LRBA: variants seen among roughly 807,000 people sequenced by gnomAD.
The protein encoded by LRBA is lipopolysaccharide-responsive and beige-like anchor protein.
LRBA carries 176 observed loss-of-function variants against 330.0 expected under a neutral mutation model. The observed-to-expected ratio is 0.53, with a 90% CI of 0.47 to 0.60. The LOEUF (loss-of-function observed/expected upper bound fraction) is 0.60. Ranked by LOEUF, LRBA falls within the 20% of genes least tolerant of loss-of-function variation. The pLI is 0.00. For missense variants in LRBA, 3,259 were observed against 3,444.8 expected (o/e 0.95, Z 1.35); for synonymous variants, 1,230 against 1,193.0 (o/e 1.03, Z -0.64).
At chr4:150,837,647 G>A (rs1213200334) in intron 28 of LRBA, among the ~76,000 whole-genome samples, 7 of 152,102 alleles carry the variant, frequency 4.6e-5, no homozygotes, top group African/African-American at 7.2e-5. Context: ...TTGCTTGGTA[G>A]ATCTTCCTCC....
At position 150,838,924 on chromosome 4, in the gene LRBA, C is replaced by A. The variant is rs1748605936; in HGVS notation, c.4569+5176G>T. Among the ~76,000 whole-genome samples, 6 of 152,088 alleles carry A rather than the reference C, an allele frequency of 3.9e-5. No homozygotes were observed. In the South Asian group the frequency reaches 1.2e-3, roughly 32 times the overall value. On this transcript the variant is annotated intron_variant, in intron 28 of 56. Transcript: ENST00000651943. The stretch of plus-strand genomic sequence containing the variant: ...TTTAAACTGAAGAGCTTCTGTACAG[C>A]AAAAGAAACTATCATCAGAGTGAAC...
chr4:150,278,274 T>A (rs2126744387), intron 55 of LRBA, among the ~76,000 whole-genome samples: 1 of 152,326 alleles, frequency 6.6e-6, no homozygotes, highest in Non-Finnish European at 1.5e-5. Flanking sequence ...GCTACTGGAA[T>A]GGTGTGTGTT....
At chr4:150,539,098 C>T (rs1017296009) in intron 40 of LRBA, among the ~76,000 whole-genome samples, 2 of 152,052 alleles carry the variant, frequency 1.3e-5, no homozygotes, top group Non-Finnish European at 2.9e-5. Flanking sequence ...GCTTCAGGCT[C>T]CCGAGTAGCT....
intron 21 of LRBA, 30 bp downstream of exon 21, chr4:150,868,152 T>C (rs1752970088): frequency 6.3e-7 from 1 of 1,583,052 alleles, no homozygotes. Flanking sequence ...ATTTGAATAC[T>C]GCAAATAAAT....
At chr4:150,578,164 A>T (rs1417924936) in intron 40 of LRBA, among the ~76,000 whole-genome samples, 2 of 152,244 alleles carry the variant, frequency 1.3e-5, no homozygotes, top group Admixed American at 6.5e-5. Context: ...CTATGCAAGA[A>T]AGTATCACAA....
At chr4:150,874,924 A>G (rs1287415649) in intron 17 of LRBA, among the ~76,000 whole-genome samples, 3 of 152,118 alleles carry the variant, frequency 2.0e-5, no homozygotes, top group Non-Finnish European at 4.4e-5. Flanking sequence ...CTTTGCAGAG[A>G]TCCAGGTTCA....
At chr4:150,323,025 G>GTGTGTGTT (rs373782725) in intron 49 of LRBA, among the ~76,000 whole-genome samples, 2,545 of 142,602 alleles carry the variant, frequency 0.018, 63 homozygotes, top group African/African-American at 0.05. Flanking sequence ...GTGTGTGTGT[G>GTGTGTGTT]GGGATGCATT....
At chr4:150,933,367 A>G (rs1160923258) in intron 2 of LRBA, among the ~76,000 whole-genome samples, 1 of 121,304 alleles carries the variant, frequency 8.2e-6, no homozygotes, top group African/African-American at 4.7e-5. Flanking sequence ...CTCTGTCTCA[A>G]AAAAAAAAAA....
At chr4:150,695,009 A>G (rs1237320099) in intron 36 of LRBA, among the ~76,000 whole-genome samples, 2 of 152,156 alleles carry the variant, frequency 1.3e-5, no homozygotes, top group African/African-American at 4.8e-5. Context: ...TTGTGTGCCA[A>G]TTCCACACAT....
At chr4:150,486,465 C>T (rs1451330792) in intron 42 of LRBA, among the ~76,000 whole-genome samples, 2 of 151,680 alleles carry the variant, frequency 1.3e-5, no homozygotes, top group East Asian at 3.9e-4. Flanking sequence ...TTTACCACAG[C>T]ATTTTTTATA....
chr4:150,900,170 T>C lies in LRBA; in HGVS notation c.1803A>G (p.Thr601=). 2 of 1,613,304 alleles carry C rather than the reference T, an allele frequency of 1.2e-6. No individual in the cohort carries two copies. Among genetic ancestry groups the C allele is most frequent in the East Asian group, 2.2e-5 (1 of 44,852 alleles). Residue 601 remains threonine (T), a synonymous_variant, in exon 14 of 57, where the codon ACA becomes ACG. Coordinates refer to ENST00000651943, the MANE Select transcript of LRBA (RefSeq NM_001364905.1). The part of the protein sequence containing the change: ...YTYLSTEFIG[T]VNIYNTIRRV... ...TCCGAATGGTGTTATATATGTTGACTGTACCAATGAATTCCGTGGACAGAT... is the reference window on the plus strand; with the variant it reads ...TCCGAATGGTGTTATATATGTTGACCGTACCAATGAATTCCGTGGACAGAT...
rs1283997499 is a variant in LRBA at position 150,868,581 on chromosome 4, T to C, written c.2450-276A>G. ...AAAATAAAACAAGTTAAATTATAAA[T>C]GAATTAAATGTCAGTGAAACTGCTT... On this transcript the variant is annotated intron_variant, in intron 20 of 56. Coordinates refer to ENST00000651943, the MANE Select transcript of LRBA (RefSeq NM_001364905.1). Among the ~76,000 whole-genome samples the C allele has an allele frequency of 2.6e-5, 4 of 152,138 alleles. No individual in the cohort carries two copies. In the East Asian group the frequency reaches 7.7e-4, roughly 29 times the overall value.
At chr4:150,797,028 A>G (rs572011841) in intron 34 of LRBA, among the ~76,000 whole-genome samples, 1 of 152,018 alleles carries the variant, frequency 6.6e-6, no homozygotes, top group African/African-American at 2.4e-5. Flanking sequence ...CTAAGTAACT[A>G]CTTCTCACAA....
intron 37 of LRBA, among the ~76,000 whole-genome samples, chr4:150,674,025 G>GTGAT (rs1161320206): frequency 2.0e-5 from 3 of 152,114 alleles, no homozygotes; most frequent in Admixed American, 2.0e-4. Flanking sequence ...GGGCTGGGGA[G>GTGAT]TGATTTTCAT....
intron 29 of LRBA, among the ~76,000 whole-genome samples, chr4:150,831,571 ACT>A (rs1024966615): frequency 9.9e-5 from 15 of 152,134 alleles, no homozygotes; most frequent in East Asian, 3.9e-4. Context: ...AAATTTTTCA[ACT>A]CTTTTTGTAT....
intron 13 of LRBA, among the ~76,000 whole-genome samples, chr4:150,904,353 A>G (rs1036231953): frequency 5.9e-5 from 9 of 152,258 alleles, no homozygotes; most frequent in Admixed American, 1.3e-4. Flanking sequence ...TTACAATAAA[A>G]TAAAAGCAGA....
chr4:150,800,244 T>C (rs903704113), intron 33 of LRBA, among the ~76,000 whole-genome samples: 3 of 152,228 alleles, frequency 2.0e-5, no homozygotes, highest in African/African-American at 7.2e-5. Context: ...TAGTTCGGTT[T>C]GAACAATTAA....
At position 150,852,206 on chromosome 4, in the gene LRBA, A is replaced by C; in HGVS notation, c.3504T>G (p.Asp1168Glu). The change falls in exon 23 of 57, where the codon GAT (aspartate) becomes GAG (glutamate). Residue 1168 changes from aspartate to glutamate, a missense_variant. Coordinates refer to ENST00000651943, the MANE Select transcript of LRBA (RefSeq NM_001364905.1). The stretch of plus-strand genomic sequence containing the variant: ...AATCTTTAGAATCTTGAGTTTCAGT[A>C]TCAGTTTGCTTTTCAGTAACAGGTT... ...EGKPVTEKQT[D>E]TETQDSKDSG... is the part of the protein sequence containing the mutation. The C allele has an allele frequency of 6.2e-7, 1 of 1,614,168 alleles. No homozygotes were observed. Among genetic ancestry groups the C allele is most frequent in the South Asian group, 1.1e-5 (1 of 91,084 alleles).
At chr4:150,749,348 T>C (rs1360244477) in intron 35 of LRBA, among the ~76,000 whole-genome samples, 1 of 151,952 alleles carries the variant, frequency 6.6e-6, no homozygotes, top group Non-Finnish European at 1.5e-5. Context: ...AGCAGGAGGA[T>C]CGCTTGAGCT....
Sources: allele counts gnomAD v4.1 joint callset (sites outside exome capture counted in the v4.1 genomes callset), GRCh38; gene constraint gnomAD v4.1.1; transcripts MANE v1.5; gene names NCBI Gene and HGNC (gene_info 2026-07-23, HGNC 2026-07-21).